CDH4: variants seen among roughly 807,000 people sequenced by gnomAD.
The protein encoded by CDH4 is cadherin-4.
Under a neutral mutation model 86.0 loss-of-function variants are expected in CDH4, and 33 were observed. The ratio of observed to expected loss-of-function variants is 0.38; its 90% CI spans 0.29 to 0.51. CDH4 has a LOEUF of 0.51. Among genes scored for constraint, CDH4 ranks in the 20% least tolerant of loss-of-function variants. The pLI is 0.86. For missense variants in CDH4, 1,114 were observed against 1,307.4 expected, an observed-to-expected ratio of 0.85 and a Z score of 2.28; for synonymous variants, 555 against 549.4, an observed-to-expected ratio of 1.01 and a Z score of -0.14.
chr20:61,329,477 T>TGTGCTGCGGTGGATTGCAGCATGCGTG (rs1555837324), intron 2 of CDH4, among the ~76,000 whole-genome samples: 12 of 152,066 alleles, frequency 7.9e-5, no homozygotes, highest in Non-Finnish European at 5.9e-5. Context: ...GAGGTGGCTG[T>TGTGCTGCGGTGGATTGCAGCATGCGTG]GAGTGGCTCT....
intron 3 of CDH4, among the ~76,000 whole-genome samples, chr20:61,757,049 C>T (rs1234153499): frequency 6.6e-6 from 1 of 152,200 alleles, no homozygotes; most frequent in African/African-American, 2.4e-5. Context: ...AACGTGTCCA[C>T]CTCCTGGCTT....
At chr20:61,564,331 G>A (rs1266826140) in intron 2 of CDH4, among the ~76,000 whole-genome samples, 1 of 152,010 alleles carries the variant, frequency 6.6e-6, no homozygotes, top group South Asian at 2.1e-4. Context: ...GATGTTTGTC[G>A]CTTCCTAATC....
intron 2 of CDH4, among the ~76,000 whole-genome samples, chr20:61,530,748 G>C (rs62201781): frequency 0.068 from 10,313 of 152,094 alleles, 368 homozygotes; most frequent in East Asian, 0.13. Flanking sequence ...AGTGAGGGCT[G>C]GGGAGCAGGT....
rs2055133990 is a variant in CDH4, at chr20:61,933,077, G to A, written c.2332G>A (p.Asp778Asn). 5 of 1,613,104 alleles carry A rather than the reference G, an allele frequency of 3.1e-6. No homozygotes were observed. In the Admixed American group the frequency reaches 5.0e-5, roughly 16 times the overall value. Residue 778 changes from aspartate to asparagine, a missense_variant, in exon 14 of 16, where the codon GAC (aspartate) becomes AAC (asparagine). By Grantham distance (23) the Asp-to-Asn change is conservative. Around this residue, in one of 3 missense-constraint regions of CDH4, gnomAD observed 705 missense variants for 914.1 expected, o/e 0.77. Coordinates refer to ENST00000614565, the MANE Select transcript of CDH4 (RefSeq NM_001794.5). ...LLIDPEDDVR[D>N]NILKYDEEGG... ...CATTGACCCCGAGGACGACGTCCGC[G>A]ACAACATCCTCAAGTATGACGAGGA... is the stretch of plus-strand genomic sequence containing the variant.
intron 2 of CDH4, among the ~76,000 whole-genome samples, chr20:61,331,630 G>GCCCCGGCCACCTT (rs1568801094): frequency 2.1e-5 from 2 of 96,918 alleles, no homozygotes; most frequent in African/African-American, 6.9e-5. Flanking sequence ...CCCACCTCCT[G>GCCCCGGCCACCTT]CCCCAGACCC....
At chr20:61,635,108 G>A (rs537517635) in intron 2 of CDH4, among the ~76,000 whole-genome samples, 20 of 152,254 alleles carry the variant, frequency 1.3e-4, no homozygotes, top group African/African-American at 4.3e-4. Flanking sequence ...AGCGTGGGGT[G>A]CAGACCTCTC....
chr20:61,754,671 A>C lies in CDH4; in HGVS notation c.396+10882A>C, dbSNP rs1204192796. Among the ~76,000 whole-genome samples the C allele has an allele frequency of 7.0e-6, 1 of 143,856 alleles. No homozygotes were observed. The highest frequency in any genetic ancestry group is 1.5e-5 in the Non-Finnish European group (1 of 66,078). 94.4% of individuals were successfully genotyped at this position (143,856 alleles called of 152,430 possible). A position where few individuals can be genotyped will look rare whatever the true frequency, so the allele number is the denominator to read the frequency against. On this transcript the variant is annotated intron_variant, in intron 3 of 15. Transcript: ENST00000614565. This position sits in a 1 kb window ranked among gnomAD's most constrained non-coding sequence, Gnocchi z 4.7. ...CACACCACACGCACACACGCCCCGC[A>C]CACACTATGCACACCACACACACAG...
intron 2 of CDH4, among the ~76,000 whole-genome samples, chr20:61,376,830 A>G (rs557982664): frequency 6.6e-6 from 1 of 152,316 alleles, no homozygotes; most frequent in South Asian, 2.1e-4. Context: ...GGCCAAGATC[A>G]TTGGCACCGG....
intron 2 of CDH4, among the ~76,000 whole-genome samples, chr20:61,397,513 G>A (rs908118326): frequency 5.9e-5 from 9 of 151,914 alleles, no homozygotes; most frequent in African/African-American, 1.7e-4. Context: ...TTGATACGCC[G>A]TCGAGACCGA....
chr20:61,703,400 C>T lies in CDH4; in HGVS notation c.170-40163C>T, dbSNP rs1469582976. On this transcript the variant is annotated intron_variant, in intron 2 of 15. Transcript: ENST00000614565. The surrounding 1 kb of genome is among the most constrained non-coding windows in gnomAD (Gnocchi z 4.3). ...TGATACTCGAGCGTGAATGGAGACA[C>T]TGGCAGCAGGGGCATTTCATAAGGA... Among the ~76,000 whole-genome samples, 1 of 152,192 alleles carries T rather than the reference C, an allele frequency of 6.6e-6. No homozygotes were observed. Among genetic ancestry groups the T allele is most frequent in the African/African-American group, 2.4e-5 (1 of 41,442 alleles).
At chr20:61,757,848 C>T (rs1249409480) in intron 3 of CDH4, among the ~76,000 whole-genome samples, 1 of 152,190 alleles carries the variant, frequency 6.6e-6, no homozygotes. Context: ...GGCATGGCCA[C>T]AGGACTGGAC....
At chr20:61,870,300 G>A (rs1193679274) in intron 6 of CDH4, among the ~76,000 whole-genome samples, 1 of 152,178 alleles carries the variant, frequency 6.6e-6, no homozygotes. Flanking sequence ...AAAGACCCTC[G>A]GGCCAGCTGG....
At chr20:61,770,115 A>G (rs1474111001) in intron 3 of CDH4, among the ~76,000 whole-genome samples, 1 of 152,140 alleles carries the variant, frequency 6.6e-6, no homozygotes, top group Admixed American at 6.5e-5. Flanking sequence ...CTGTCCTGGA[A>G]GCTCTTTAAA....
intron 2 of CDH4, among the ~76,000 whole-genome samples, chr20:61,710,417 A>C (rs2087877179): frequency 6.6e-6 from 1 of 152,238 alleles, no homozygotes; most frequent in African/African-American, 2.4e-5. Context: ...CAAGCCTCCC[A>C]GCCTCTATCT....
chr20:61,630,314 G>A (rs1259427540), intron 2 of CDH4, among the ~76,000 whole-genome samples: 1 of 152,216 alleles, frequency 6.6e-6, no homozygotes, highest in African/African-American at 2.4e-5. Flanking sequence ...TGGGCTTGAA[G>A]AGTCTGCCTG....
Position 61,895,066 on chromosome 20 carries a change from C to T in CDH4, c.1188+19C>T, listed in dbSNP as rs775910937. 1 of 1,611,792 alleles carries T rather than the reference C, an allele frequency of 6.2e-7. No homozygotes were observed. Among genetic ancestry groups the T allele is most frequent in the East Asian group, 2.2e-5 (1 of 44,880 alleles). On this transcript the variant is annotated intron_variant, in intron 8 of 15. Coordinates refer to ENST00000614565, the MANE Select transcript of CDH4 (RefSeq NM_001794.5). ...CAGCACGGTGAGTCCCTCGAAGCTG[C>T]CCAGTGACGCATGGCCCGTGCAGGG...
At chr20:61,304,946 ATG>A (rs1194327241) in intron 2 of CDH4, among the ~76,000 whole-genome samples, 1 of 136,566 alleles carries the variant, frequency 7.3e-6, no homozygotes, top group Non-Finnish European at 1.6e-5. Flanking sequence ...TATGTGTTGT[ATG>A]TGTGTGTGTG....
At chr20:61,608,651 T>C (rs1261341375) in intron 2 of CDH4, among the ~76,000 whole-genome samples, 1 of 152,236 alleles carries the variant, frequency 6.6e-6, no homozygotes, top group Non-Finnish European at 1.5e-5. Flanking sequence ...CCCCTGGTTT[T>C]GTTCAGAAAG....
intron 3 of CDH4, among the ~76,000 whole-genome samples, chr20:61,763,444 T>C (rs1449182394): frequency 1.3e-5 from 2 of 152,228 alleles, no homozygotes; most frequent in African/African-American, 2.4e-5. Flanking sequence ...GGAGGCATTT[T>C]CACGCAATGG....
Sources: allele counts gnomAD v4.1 joint callset (sites outside exome capture counted in the v4.1 genomes callset), GRCh38; gene constraint gnomAD v4.1.1; regional missense constraint gnomAD v4.1.1; non-coding constraint Gnocchi (gnomAD v3.1); transcripts MANE v1.5; gene names NCBI Gene and HGNC (gene_info 2026-07-23, HGNC 2026-07-21).